The following CEP63 variants were observed in gnomAD, a reference collection of about 807,000 sequenced individuals.
CEP63 encodes the protein centrosomal protein 63.
CEP63 carries 84 observed loss-of-function variants against 89.1 expected under a neutral mutation model. The observed-to-expected ratio is 0.94, with a 90% confidence interval of 0.79 to 1.13. The LOEUF is 1.13. CEP63 is among the 50% of genes most tolerant of loss of function. The pLI is 0.00. For missense variants in CEP63, 838 were observed against 813.3 expected, an observed-to-expected ratio of 1.03 and a Z score of -0.37; for synonymous variants, 267 against 272.5, an observed-to-expected ratio of 0.98 and a Z score of 0.20.
At chr3:134,510,307 A>C (rs1049417616) in intron 3 of CEP63, among the ~76,000 whole-genome samples, 3 of 152,156 alleles carry the variant, frequency 2.0e-5, no homozygotes, top group African/African-American at 7.2e-5. Context: ...AATTTGTGAA[A>C]TGTTTTATCA....
chr3:134,660,668 G>C, the CEP63 span, among the ~76,000 whole-genome samples: 1 of 152,192 alleles, frequency 6.6e-6, no homozygotes, highest in Non-Finnish European at 1.5e-5. Context: ...CTCTCAAGGA[G>C]CTCTCGATTT....
At chr3:134,599,344 G>A in the CEP63 span, among the ~76,000 whole-genome samples, 3 of 152,164 alleles carry the variant, frequency 2.0e-5, no homozygotes, top group South Asian at 2.1e-4. Context: ...ATCTAGCAGC[G>A]AGAGACATGA....
the CEP63 span, among the ~76,000 whole-genome samples, chr3:134,644,846 C>A: frequency 1.3e-5 from 2 of 152,198 alleles, no homozygotes; most frequent in Admixed American, 6.5e-5. Flanking sequence ...TATGAACAGG[C>A]CCAGCTAGGT....
At chr3:134,649,553 T>G in the CEP63 span, among the ~76,000 whole-genome samples, 1 of 152,206 alleles carries the variant, frequency 6.6e-6, no homozygotes, top group Non-Finnish European at 1.5e-5. Flanking sequence ...ACAAATACCC[T>G]GGGCAGGCCA....
the CEP63 span, among the ~76,000 whole-genome samples, chr3:134,595,032 A>C: frequency 6.6e-6 from 1 of 152,160 alleles, no homozygotes; most frequent in Non-Finnish European, 1.5e-5. Flanking sequence ...GGCTAGCTTA[A>C]TGGGAAGCCA....
the CEP63 span, among the ~76,000 whole-genome samples, chr3:134,645,075 G>C: frequency 1.3e-5 from 2 of 152,222 alleles, no homozygotes; most frequent in African/African-American, 4.8e-5. Context: ...TAGCTGCTGT[G>C]GGGTATTTAT....
chr3:134,526,063 G>T (rs1948582273), intron 3 of CEP63, among the ~76,000 whole-genome samples: 1 of 152,016 alleles, frequency 6.6e-6, no homozygotes, highest in Non-Finnish European at 1.5e-5. Context: ...CTCTTTCAGG[G>T]ACACCAATGA....
chr3:134,496,111 A>G (rs950066845), intron 2 of CEP63, among the ~76,000 whole-genome samples: 22 of 152,182 alleles, frequency 1.4e-4, no homozygotes, highest in African/African-American at 5.1e-4. Context: ...TTTCTGAATC[A>G]TATGTGTTGT....
intron 5 of CEP63, chr3:134,536,919 A>G (rs1950873971): frequency 2.0e-6 from 1 of 494,242 alleles, no homozygotes; most frequent in Non-Finnish European, 3.7e-6. Context: ...TGCGTGTCAT[A>G]CTCCTCACCA....
At chr3:134,627,922 T>C in the CEP63 span, 1 of 835,262 alleles carries the variant, frequency 1.2e-6, no homozygotes, top group Admixed American at 2.0e-5. Flanking sequence ...CCCCTCCTCT[T>C]TACTCTCCTT....
At chr3:134,634,739 G>A in the CEP63 span, among the ~76,000 whole-genome samples, 24 of 152,270 alleles carry the variant, frequency 1.6e-4, no homozygotes, top group African/African-American at 5.8e-4. Flanking sequence ...TTCATGGAAT[G>A]CAAAACTCGC....
At chr3:134,701,335 C>T in the CEP63 span, among the ~76,000 whole-genome samples, 44 of 12,238 alleles carry the variant, frequency 3.6e-3, 2 homozygotes, top group South Asian at 0.016. Context: ...CATATACACA[C>T]ACATATACGT....
intron 6 of CEP63, among the ~76,000 whole-genome samples, chr3:134,539,823 A>G (rs1340614187): frequency 6.6e-6 from 1 of 152,232 alleles, no homozygotes; most frequent in Non-Finnish European, 1.5e-5. Flanking sequence ...TTAAAATTAC[A>G]TAATACATGC....
chr3:134,769,683 C>G, the CEP63 span, among the ~76,000 whole-genome samples: 2 of 152,214 alleles, frequency 1.3e-5, no homozygotes, highest in African/African-American at 2.4e-5. Context: ...GGAGTAACCC[C>G]AAGGCCTAAC....
chr3:134,486,065 G>A lies in CEP63; in HGVS notation c.-163G>A. 1 of 984,134 alleles carries A rather than the reference G, an allele frequency of 1.0e-6. No individual in the cohort carries two copies. The highest frequency in any genetic ancestry group is 1.2e-6 in the Non-Finnish European group (1 of 829,902). The allele number at this position is 984,134 out of a possible 1,614,324, so 61.0% of individuals were successfully genotyped here. On this transcript the variant is annotated 5_prime_UTR_variant, in exon 1 of 15. Coordinates refer to ENST00000675561, the MANE Select transcript of CEP63 (RefSeq NM_001353108.3). ...TTCCCGGATGTGGGTGAGTTCATTTGCTCGCGTGCAGGGGAAGTCTGGAGA... is the reference window on the plus strand; with the variant it reads ...TTCCCGGATGTGGGTGAGTTCATTTACTCGCGTGCAGGGGAAGTCTGGAGA...
the CEP63 span, among the ~76,000 whole-genome samples, chr3:134,765,581 T>A: frequency 6.6e-5 from 10 of 152,254 alleles, no homozygotes; most frequent in South Asian, 2.1e-3. Flanking sequence ...GAGGGAGAAG[T>A]GTATTCCAGG....
chr3:134,576,409 TC>T (rs1374611847), downstream of CEP63, among the ~76,000 whole-genome samples: 1 of 152,178 alleles, frequency 6.6e-6, no homozygotes, highest in Non-Finnish European at 1.5e-5. Flanking sequence ...AGATGCCAGC[TC>T]CCTTCCTGCT....
At chr3:134,699,082 G>A in the CEP63 span, among the ~76,000 whole-genome samples, 1 of 152,204 alleles carries the variant, frequency 6.6e-6, no homozygotes, top group Non-Finnish European at 1.5e-5. Flanking sequence ...GACTCAGGTA[G>A]ATGAGGTATT....
At chr3:134,541,928 G>A (rs538908237) in intron 6 of CEP63, among the ~76,000 whole-genome samples, 4 of 152,224 alleles carry the variant, frequency 2.6e-5, no homozygotes, top group South Asian at 2.1e-4. Context: ...CAAAAGAGTC[G>A]TGGTTATATA....
Sources: allele counts gnomAD v4.1 joint callset (sites outside exome capture counted in the v4.1 genomes callset), GRCh38; gene constraint gnomAD v4.1.1; transcripts MANE v1.5; gene names NCBI Gene and HGNC (gene_info 2026-07-23, HGNC 2026-07-21).